Variants in ALK observed in about 807,000 individuals in gnomAD.
ALK encodes ALK tyrosine kinase receptor.
ALK carries 74 observed loss-of-function variants against 163.1 expected under a neutral mutation model. That is an observed-to-expected ratio of 0.45 (90% confidence interval 0.38 to 0.55). The LOEUF is 0.55. Ranked by LOEUF, ALK falls within the 20% of genes least tolerant of loss-of-function variation. ALK has a pLI of 0.00. For missense variants in ALK, 2,063 were observed against 2,105.3 expected, an observed-to-expected ratio of 0.98 and a Z score of 0.39; for synonymous variants, 960 against 843.2, an observed-to-expected ratio of 1.14 and a Z score of -2.40.
At chr2:29,684,217 G>A (rs934427915) in intron 3 of ALK, among the ~76,000 whole-genome samples, 8 of 152,228 alleles carry the variant, frequency 5.3e-5, no homozygotes, top group Admixed American at 2.0e-4. Context: ...AGAAATCAGT[G>A]AGGCTAAAAA....
At chr2:29,658,073 C>T (rs183448923) in intron 3 of ALK, among the ~76,000 whole-genome samples, 3 of 152,248 alleles carry the variant, frequency 2.0e-5, no homozygotes, top group Non-Finnish European at 4.4e-5. Context: ...GCTGAAAAAA[C>T]GTGAGCTTCC....
Position 29,580,701 on chromosome 2 carries a change from G to A in ALK, c.953-48585C>T, listed in dbSNP as rs1034498172. Among the ~76,000 whole-genome samples the A allele has an allele frequency of 5.9e-5, 9 of 152,298 alleles. No individual in the cohort carries two copies. The East Asian group carries it at 9.6e-4, about 16-fold the overall frequency. On this transcript the variant is annotated intron_variant, in intron 3 of 28. Coordinates refer to ENST00000389048, the MANE Select transcript of ALK (RefSeq NM_004304.5). ...AAATTACGCTAAACAGATGTGGAGC[G>A]GAAAATTGCCATCCAGATGACAGTT...
chr2:29,836,446 AAT>A (rs1020774334), intron 1 of ALK, among the ~76,000 whole-genome samples: 1 of 152,186 alleles, frequency 6.6e-6, no homozygotes, highest in African/African-American at 2.4e-5. Context: ...CCATGAAAAA[AAT>A]AGAGATTGGA....
At chr2:29,384,481 C>T (rs974938671) in intron 4 of ALK, among the ~76,000 whole-genome samples, 10 of 152,150 alleles carry the variant, frequency 6.6e-5, no homozygotes, top group African/African-American at 2.2e-4. Flanking sequence ...GGTGAAATGG[C>T]GAGCTCGGCA....
At chr2:29,451,867 A>C (rs1171341468) in intron 4 of ALK, among the ~76,000 whole-genome samples, 2 of 152,206 alleles carry the variant, frequency 1.3e-5, no homozygotes, top group Non-Finnish European at 2.9e-5. Context: ...TGTCCAGTGG[A>C]CGTTATTGCC....
At chr2:29,396,232 G>C (rs908398871) in intron 4 of ALK, among the ~76,000 whole-genome samples, 4 of 152,126 alleles carry the variant, frequency 2.6e-5, no homozygotes, top group Non-Finnish European at 5.9e-5. Flanking sequence ...GCTGTTGCAG[G>C]CTTGATAGAT....
chr2:29,625,800 T>C (rs892000921), intron 3 of ALK, among the ~76,000 whole-genome samples: 5 of 152,222 alleles, frequency 3.3e-5, no homozygotes, highest in African/African-American at 1.2e-4. Flanking sequence ...GCTCTGGAGA[T>C]ACTGAGAGGA....
intron 24 of ALK, among the ~76,000 whole-genome samples, chr2:29,212,146 A>T (rs1433357683): frequency 6.6e-6 from 1 of 152,210 alleles, no homozygotes; most frequent in Non-Finnish European, 1.5e-5. Flanking sequence ...TCCCAGTGCT[A>T]AGTGAAGGAA....
chr2:29,229,824 C>A (rs973943578), intron 15 of ALK, among the ~76,000 whole-genome samples: 1 of 152,188 alleles, frequency 6.6e-6, no homozygotes, highest in Non-Finnish European at 1.5e-5. Context: ...CAGGGCCAGG[C>A]GCTCAGGAAC....
At chr2:29,296,191 G>T (rs1386134067) in intron 9 of ALK, among the ~76,000 whole-genome samples, 5 of 152,220 alleles carry the variant, frequency 3.3e-5, no homozygotes, top group Non-Finnish European at 7.3e-5. Context: ...AGAAGTCAAG[G>T]ATGTTGCTCA....
At chr2:29,573,067 C>G (rs1273786980) in intron 3 of ALK, among the ~76,000 whole-genome samples, 2 of 152,234 alleles carry the variant, frequency 1.3e-5, no homozygotes, top group East Asian at 3.8e-4. Flanking sequence ...TGCAGGGAAA[C>G]TAGGATATCT....
At chr2:29,490,921 TCA>T (rs1671885079) in intron 4 of ALK, among the ~76,000 whole-genome samples, 1 of 152,150 alleles carries the variant, frequency 6.6e-6, no homozygotes, top group African/African-American at 2.4e-5. Flanking sequence ...ACTGACAAAA[TCA>T]CACAGACTCC....
intron 1 of ALK, among the ~76,000 whole-genome samples, chr2:29,810,957 C>T (rs555309091): frequency 8.4e-4 from 128 of 152,118 alleles, no homozygotes; most frequent in African/African-American, 3.0e-3. Flanking sequence ...GTCTGCAAGC[C>T]AGGAAGAGAG....
intron 4 of ALK, among the ~76,000 whole-genome samples, chr2:29,394,195 G>A (rs531571087): frequency 2.0e-5 from 3 of 151,976 alleles, no homozygotes; most frequent in South Asian, 2.1e-4. Context: ...AACAACAATT[G>A]GTCCCAGTAG....
At chr2:29,762,888 A>C (rs1680748140) in intron 1 of ALK, among the ~76,000 whole-genome samples, 1 of 152,018 alleles carries the variant, frequency 6.6e-6, no homozygotes, top group Admixed American at 6.6e-5. Context: ...AGAGATAGAG[A>C]CCATCCTGGC....
chr2:29,530,728 G>A (rs1472107627), intron 4 of ALK, among the ~76,000 whole-genome samples: 1 of 152,176 alleles, frequency 6.6e-6, no homozygotes, highest in African/African-American at 2.4e-5. Flanking sequence ...CCCAAACAAG[G>A]GGCAGCCCAG....
rs183561527 is a variant in ALK, at chr2:29,268,979, T to C, written c.2041+6120A>G. On this transcript the variant is annotated intron_variant, in intron 11 of 28. Transcript: ENST00000389048. ...GCATCAAACCTAAGCGCTGTAAGCA[T>C]TGATAATCTAAGCACCATTTTTTGA... Among the ~76,000 whole-genome samples, 28 of 152,270 alleles carry C rather than the reference T, an allele frequency of 1.8e-4. 1 individual carries two copies. The highest frequency in any genetic ancestry group is 3.7e-4 in the Non-Finnish European group (25 of 68,032).
chr2:29,640,352 T>C (rs1271891643), intron 3 of ALK, among the ~76,000 whole-genome samples: 1 of 152,150 alleles, frequency 6.6e-6, no homozygotes, highest in African/African-American at 2.4e-5. Flanking sequence ...ACCGGTCCCA[T>C]GGCACTGTCC....
chr2:29,385,704 T>G (rs1669016839), intron 4 of ALK, among the ~76,000 whole-genome samples: 2 of 152,200 alleles, frequency 1.3e-5, no homozygotes, highest in Admixed American at 6.5e-5. Context: ...CCTGTCCATT[T>G]TAATCCATTT....
Sources: gnomAD v4.1 joint callset for allele counts (sites outside exome capture counted in the v4.1 genomes callset) on GRCh38, gnomAD v4.1.1 for gene constraint, MANE v1.5 for transcripts, NCBI Gene and HGNC (gene_info 2026-07-23, HGNC 2026-07-21) for gene names.